IQGAP2: variants seen among roughly 807,000 people sequenced by gnomAD.
The protein encoded by IQGAP2 is IQ motif containing GTPase activating protein 2.
A neutral mutation model predicts 201.3 loss-of-function variants in IQGAP2; 173 were observed. The observed-to-expected ratio is 0.86, with a 90% CI of 0.76 to 0.98. The LOEUF is 0.98. Ranked by LOEUF, IQGAP2 falls within the 50% of genes least tolerant of loss-of-function variation. The pLI is 0.00. For synonymous variants in IQGAP2, 675 were observed against 673.9 expected (o/e 1.00, Z -0.03); for missense variants, 1,687 against 1,864.8 (o/e 0.90, Z 1.76).
At chr5:76,413,347 T>C (rs913311359) in intron 1 of IQGAP2, among the ~76,000 whole-genome samples, 2 of 152,004 alleles carry the variant, frequency 1.3e-5, no homozygotes, top group Non-Finnish European at 2.9e-5. Context: ...TTTTGTATTT[T>C]TAGTAGAGAT....
intron 1 of IQGAP2, among the ~76,000 whole-genome samples, chr5:76,415,282 G>C (rs1751349501): frequency 6.6e-6 from 1 of 152,236 alleles, no homozygotes; most frequent in East Asian, 1.9e-4. Flanking sequence ...TTTGGTCAAT[G>C]CTGTATCCCC....
intron 17 of IQGAP2, among the ~76,000 whole-genome samples, chr5:76,652,314 G>A (rs1752580451): frequency 6.6e-6 from 1 of 152,184 alleles, no homozygotes. Flanking sequence ...CTTTCCAGTC[G>A]GGGCCACAGT....
At chr5:76,456,981 AT>A (rs1024735565) in intron 1 of IQGAP2, among the ~76,000 whole-genome samples, 2 of 151,898 alleles carry the variant, frequency 1.3e-5, no homozygotes, top group South Asian at 2.1e-4. Flanking sequence ...TTGTGGACAT[AT>A]TTTTTTCTTT....
chr5:76,650,815 G>A (rs1448563938), intron 17 of IQGAP2, among the ~76,000 whole-genome samples: 1 of 152,082 alleles, frequency 6.6e-6, no homozygotes, highest in Non-Finnish European at 1.5e-5. Flanking sequence ...TCCCTCAGTG[G>A]GACTGCAATT....
intron 2 of IQGAP2, among the ~76,000 whole-genome samples, chr5:76,544,892 G>A (rs1743000872): frequency 6.6e-6 from 1 of 151,830 alleles, no homozygotes; most frequent in Admixed American, 6.6e-5. Context: ...ACTATATGTA[G>A]TTCTATACAG....
chr5:76,510,423 C>T (rs1186185221), intron 2 of IQGAP2: 1 of 279,816 alleles, frequency 3.6e-6, no homozygotes, highest in Non-Finnish European at 7.1e-6. Flanking sequence ...GGTGCAGGGC[C>T]CATACAGGCA....
intron 2 of IQGAP2, among the ~76,000 whole-genome samples, chr5:76,537,891 G>A (rs899808904): frequency 6.6e-6 from 1 of 152,294 alleles, no homozygotes; most frequent in Admixed American, 6.5e-5. Flanking sequence ...AGTAACCTCT[G>A]TAATATGGGG....
chr5:76,620,240 G>A (rs1402454245), intron 13 of IQGAP2, among the ~76,000 whole-genome samples: 3 of 152,180 alleles, frequency 2.0e-5, no homozygotes, highest in Non-Finnish European at 4.4e-5. Context: ...GAAATTACAG[G>A]CAAGGGGACC....
chr5:76,682,302 G>A (rs911635505), intron 28 of IQGAP2, among the ~76,000 whole-genome samples: 6 of 152,176 alleles, frequency 3.9e-5, no homozygotes, highest in Admixed American at 2.6e-4. Flanking sequence ...TTATAAAATA[G>A]TTGCTGAGAA....
chr5:76,470,396 C>T (rs553173529), intron 2 of IQGAP2, among the ~76,000 whole-genome samples: 11 of 152,086 alleles, frequency 7.2e-5, no homozygotes, highest in Non-Finnish European at 1.5e-4. Flanking sequence ...GACTGGGGCA[C>T]CACCTTAGAA....
At chr5:76,509,154 A>T (rs1314247672) in intron 2 of IQGAP2, among the ~76,000 whole-genome samples, 1 of 152,026 alleles carries the variant, frequency 6.6e-6, no homozygotes. Flanking sequence ...AACCATCTCA[A>T]GTGCAGTAAA....
At chr5:76,590,955 G>A (rs536563807) in intron 8 of IQGAP2, among the ~76,000 whole-genome samples, 8 of 152,132 alleles carry the variant, frequency 5.3e-5, no homozygotes, top group Non-Finnish European at 1.2e-4. Context: ...AAATTAGCTG[G>A]GCTTGGTGGT....
intron 4 of IQGAP2, among the ~76,000 whole-genome samples, chr5:76,572,188 T>TA (rs1337547890): frequency 1.3e-5 from 2 of 152,250 alleles, no homozygotes; most frequent in Non-Finnish European, 2.9e-5. Context: ...AGCTTGCTCC[T>TA]ATGTGTTGCT....
intron 2 of IQGAP2, among the ~76,000 whole-genome samples, chr5:76,558,921 G>C (rs1744132273): frequency 1.3e-5 from 2 of 151,740 alleles, no homozygotes; most frequent in African/African-American, 4.8e-5. Flanking sequence ...TTCTTTTTGA[G>C]ACGGAGTCTC....
chr5:76,638,468 A>AG (rs1491426628), intron 16 of IQGAP2, among the ~76,000 whole-genome samples: 1 of 152,186 alleles, frequency 6.6e-6, no homozygotes, highest in Non-Finnish European at 1.5e-5. Flanking sequence ...CTGGAGTCTC[A>AG]GGGGTCCTCC....
At chr5:76,539,755 G>A (rs1742633754) in intron 2 of IQGAP2, among the ~76,000 whole-genome samples, 1 of 152,182 alleles carries the variant, frequency 6.6e-6, no homozygotes, top group African/African-American at 2.4e-5. Context: ...GACCCTACTT[G>A]TTTATGGCTT....
chr5:76,478,141 T>C (rs1755558026), intron 2 of IQGAP2, among the ~76,000 whole-genome samples: 2 of 152,018 alleles, frequency 1.3e-5, no homozygotes, highest in African/African-American at 2.4e-5. Flanking sequence ...GGCTCACGCC[T>C]GTAATCCCAG....
At chr5:76,438,035 G>GTTTTTTTTTTTTTGTTTTTT (rs71604291) in intron 1 of IQGAP2, among the ~76,000 whole-genome samples, 9 of 68,594 alleles carry the variant, frequency 1.3e-4, no homozygotes, top group Non-Finnish European at 2.1e-4. Context: ...TTTTTTGTTT[G>GTTTTTTTTTTTTTGTTTTTT]TTTTTTTTTT....
At chr5:76,698,608 A>T (rs1746974238) in intron 33 of IQGAP2, among the ~76,000 whole-genome samples, 1 of 152,202 alleles carries the variant, frequency 6.6e-6, no homozygotes, top group South Asian at 2.1e-4. Flanking sequence ...ACAACTGGCA[A>T]AATTTGGCAG....
Sources: allele counts gnomAD v4.1 joint callset (sites outside exome capture counted in the v4.1 genomes callset), GRCh38; gene constraint gnomAD v4.1.1; transcripts MANE v1.5; gene names NCBI Gene and HGNC (gene_info 2026-07-23, HGNC 2026-07-21).